SPRED2: variants seen among roughly 807,000 people sequenced by gnomAD.
SPRED2 encodes sprouty-related, EVH1 domain-containing protein 2.
In SPRED2, 47 loss-of-function variants were observed where a neutral mutation model predicts 43.0. The ratio of observed to expected loss-of-function variants is 1.09; its 90% confidence interval spans 0.87 to 1.40. The LOEUF is 1.40. SPRED2 is among the 40% of genes most tolerant of loss of function. The probability of loss-of-function intolerance (pLI) is 0.00; values close to 1 mark genes in which losing one functional copy is unlikely to be tolerated. For synonymous variants in SPRED2, 225 were observed against 225.7 expected, an observed-to-expected ratio of 1.00 and a Z score of 0.03; for missense variants, 561 against 586.4, an observed-to-expected ratio of 0.96 and a Z score of 0.45.
chr2:65,361,456 C>T (rs558889697), intron 1 of SPRED2, among the ~76,000 whole-genome samples: 1 of 152,348 alleles, frequency 6.6e-6, no homozygotes, highest in South Asian at 2.1e-4. Flanking sequence ...CTGACAAATT[C>T]CTCTAATCCT....
chr2:65,322,110 A>G (rs1673431501), intron 4 of SPRED2, among the ~76,000 whole-genome samples: 3 of 151,744 alleles, frequency 2.0e-5, no homozygotes, highest in Non-Finnish European at 4.4e-5. Flanking sequence ...CTGCTGGTAT[A>G]TGAAAGTTAC....
chr2:65,395,727 C>T (rs1243778917), intron 1 of SPRED2, among the ~76,000 whole-genome samples: 1 of 152,136 alleles, frequency 6.6e-6, no homozygotes, highest in Non-Finnish European at 1.5e-5. Flanking sequence ...TTAGGGGTAT[C>T]GGGCACCTGG....
chr2:65,409,910 G>C (rs1290723975), intron 1 of SPRED2, among the ~76,000 whole-genome samples: 1 of 151,652 alleles, frequency 6.6e-6, no homozygotes, highest in African/African-American at 2.4e-5. Flanking sequence ...CGTGCCTGTA[G>C]TCCCAGCTAC....
chr2:65,386,210 G>A (rs745971789), intron 1 of SPRED2, among the ~76,000 whole-genome samples: 8 of 150,844 alleles, frequency 5.3e-5, no homozygotes, highest in Admixed American at 1.3e-4. Flanking sequence ...GCTTGAACCC[G>A]GGAGATGGAG....
rs1430957754 is a variant in SPRED2, at chr2:65,428,746, G to A, written c.26+3216C>T. Among the ~76,000 whole-genome samples, 2 of 152,230 alleles carry A rather than the reference G, an allele frequency of 1.3e-5. 1 individual carries two copies. Among genetic ancestry groups the A allele is most frequent in the African/African-American group, 4.8e-5 (2 of 41,466 alleles). On this transcript the variant is annotated intron_variant, in intron 1 of 5. Coordinates refer to ENST00000356388, the MANE Select transcript of SPRED2 (RefSeq NM_181784.3). ...CATGAAAGGAACAAAAGAAAAAGCT[G>A]AATGGCAGCTCGATGTCTCCAGGGT...
chr2:65,370,680 G>A (rs1300852664), intron 1 of SPRED2, among the ~76,000 whole-genome samples: 1 of 152,190 alleles, frequency 6.6e-6, no homozygotes, highest in Non-Finnish European at 1.5e-5. Flanking sequence ...AGGATCTGTA[G>A]TTCACACTTT....
At chr2:65,374,015 G>C (rs1043318237) in intron 1 of SPRED2, 22 of 152,254 alleles carry the variant, frequency 1.4e-4, no homozygotes, top group African/African-American at 4.1e-4. Flanking sequence ...GAGTCTTACA[G>C]GCATCCACAG....
At chr2:65,407,392 G>T (rs1250702618) in intron 1 of SPRED2, among the ~76,000 whole-genome samples, 2 of 151,220 alleles carry the variant, frequency 1.3e-5, no homozygotes, top group Non-Finnish European at 3.0e-5. Context: ...GTTGTGTATT[G>T]GGGGGCATTT....
At chr2:65,420,256 A>G (rs897662276) in intron 1 of SPRED2, among the ~76,000 whole-genome samples, 3 of 151,754 alleles carry the variant, frequency 2.0e-5, no homozygotes, top group African/African-American at 7.3e-5. Context: ...CAACCTAATG[A>G]AGATACAACT....
chr2:65,328,983 G>A (rs895776321), intron 4 of SPRED2, among the ~76,000 whole-genome samples: 9 of 152,216 alleles, frequency 5.9e-5, no homozygotes, highest in Non-Finnish European at 1.2e-4. Context: ...ACTTAAGAAT[G>A]AAAAGAAACT....
intron 1 of SPRED2, among the ~76,000 whole-genome samples, chr2:65,368,959 C>T (rs1675051148): frequency 6.6e-6 from 1 of 152,058 alleles, no homozygotes; most frequent in South Asian, 2.1e-4. Flanking sequence ...CCTGTGGTCC[C>T]AGCTACACAG....
rs569106577 is a variant in SPRED2, at chr2:65,359,446, A to G, written c.27-14550T>C. Among the ~76,000 whole-genome samples the G allele has an allele frequency of 5.3e-5, 8 of 152,282 alleles. No individual in the cohort carries two copies. The East Asian group carries it at 7.7e-4, about 15-fold the overall frequency. The stretch of plus-strand genomic sequence containing the variant: ...AAGAACTCCAGGAAATACTAGAGCT[A>G]TCTCCACCTCCCAAAGCCAACTAGC... On this transcript the variant is annotated intron_variant, in intron 1 of 5. Coordinates refer to ENST00000356388, the MANE Select transcript of SPRED2 (RefSeq NM_181784.3).
chr2:65,322,291 TATA>T (rs1217690482), intron 4 of SPRED2, among the ~76,000 whole-genome samples: 3,443 of 83,128 alleles, frequency 0.041, 229 homozygotes, highest in East Asian at 0.16. Flanking sequence ...TATATATATA[TATA>T]TTTTTTTTTT....
At chr2:65,366,619 G>A (rs778944110) in intron 1 of SPRED2, 23 of 1,553,292 alleles carry the variant, frequency 1.5e-5, no homozygotes, top group Non-Finnish European at 2.0e-5. Flanking sequence ...CCTCTACATT[G>A]TGGAGCCCGA....
intron 1 of SPRED2, among the ~76,000 whole-genome samples, chr2:65,371,107 A>G (rs1858036): frequency 0.32 from 48,795 of 152,142 alleles, 9,707 homozygotes; most frequent in East Asian, 0.78. Flanking sequence ...TCAGTAAGGA[A>G]AATGAGGGCC....
chr2:65,313,504 C>T lies in SPRED2; in HGVS notation c.1254G>A (p.Ala418=). The change falls in exon 6 of 6, where the codon GCG becomes GCA. Residue 418 remains alanine (A), a synonymous_variant. Coordinates refer to ENST00000356388, the MANE Select transcript of SPRED2 (RefSeq NM_181784.3). The part of the protein sequence containing the change: ...RCCGGKHKAA[A] ...GGGAGAAGGGAGGGAAACTGAGTCA[C>T]GCGGCCGCTTTGTGCTTCCCGCCAC... 1 of 1,596,766 alleles carries T rather than the reference C, an allele frequency of 6.3e-7. No homozygotes were observed. The highest frequency in any genetic ancestry group is 1.1e-5 in the South Asian group (1 of 87,770).
At chr2:65,418,361 G>GT (rs1676337737) in intron 1 of SPRED2, among the ~76,000 whole-genome samples, 1 of 152,106 alleles carries the variant, frequency 6.6e-6, no homozygotes, top group Non-Finnish European at 1.5e-5. Context: ...CAGACATGGA[G>GT]TGTCCCTATC....
intron 5 of SPRED2, 103 bp from the exon 6 acceptor site, chr2:65,314,272 T>G (rs1187724084): frequency 9.0e-7 from 1 of 1,107,480 alleles, no homozygotes; most frequent in Non-Finnish European, 1.3e-6. Flanking sequence ...AAAATGCACC[T>G]TTCTCGATAA....
intron 1 of SPRED2, among the ~76,000 whole-genome samples, chr2:65,382,960 G>A (rs1675406736): frequency 6.6e-6 from 1 of 152,114 alleles, no homozygotes. Flanking sequence ...TGAAAAATGT[G>A]GCATCCCAGC....
Sources: gnomAD v4.1 joint callset for allele counts (sites outside exome capture counted in the v4.1 genomes callset) on GRCh38, gnomAD v4.1.1 for gene constraint, MANE v1.5 for transcripts, NCBI Gene and HGNC (gene_info 2026-07-23, HGNC 2026-07-21) for gene names.